The following ECHS1 variants were observed in gnomAD, a reference collection of about 807,000 sequenced individuals.
ECHS1 encodes the protein enoyl-CoA hydratase, short chain 1.
Under a neutral mutation model 33.5 loss-of-function variants are expected in ECHS1, and 19 were observed. That is an observed-to-expected ratio of 0.57 (90% CI 0.40 to 0.83). ECHS1 has a LOEUF of 0.83. ECHS1 is among the 40% of genes least tolerant of loss of function. The pLI is 0.00. For synonymous variants in ECHS1, 158 were observed against 146.6 expected (o/e 1.08, Z -0.56); for missense variants, 365 against 381.3 (o/e 0.96, Z 0.36).
rs990186571 is a variant in ECHS1, at chr10:133,362,631, A to G, written c.*237T>C. ...CGAGCACAGCATGCCCAGAGGGACC[A>G]GCGGGGGCTCCTCAGCAGAATCTTA... On this transcript the variant is annotated 3_prime_UTR_variant, in exon 8 of 8. Transcript: ENST00000368547. 1 of 565,366 alleles carries G rather than the reference A, an allele frequency of 1.8e-6. No individual in the cohort carries two copies. The highest frequency in any genetic ancestry group is 3.2e-6 in the Non-Finnish European group (1 of 315,296). 35.0% of individuals were successfully genotyped at this position (565,366 alleles called of 1,614,324 possible). A position where few individuals can be genotyped will look rare whatever the true frequency, so the allele number is the denominator to read the frequency against.
Position 133,370,610 on chromosome 10 carries a change from T to C in ECHS1, c.236A>G (p.Asp79Gly). 1 of 1,611,524 alleles carries C rather than the reference T, an allele frequency of 6.2e-7. No homozygotes were observed. Among genetic ancestry groups the C allele is most frequent in the Non-Finnish European group, 8.5e-7 (1 of 1,179,328 alleles). ...GAGGACAATGGCCCCCACGGCCGGGTCCTCCTCGAAGGTCTTCAGGGCCTG... is the reference window on the plus strand; with the variant it reads ...GAGGACAATGGCCCCCACGGCCGGGCCCTCCTCGAAGGTCTTCAGGGCCTG... Reference protein sequence around the residue: ...LNQALKTFEEDPAVGAIVLTG... With the variant: ...LNQALKTFEEGPAVGAIVLTG... The change falls in exon 2 of 8, where the codon GAC (aspartate) becomes GGC (glycine). Residue 79 changes from aspartate (D) to glycine (G), a missense_variant. Physicochemically the swap from Asp to Gly is moderately conservative, Grantham distance 94. Coordinates refer to ENST00000368547, the MANE Select transcript of ECHS1 (RefSeq NM_004092.4).
At chr10:133,370,450 T>A (rs1589882822) in intron 2 of ECHS1, 110 bp downstream of exon 2, 1 of 1,193,470 alleles carries the variant, frequency 8.4e-7, no homozygotes, top group East Asian at 2.7e-5. Flanking sequence ...AAGTCCCCAG[T>A]CGCATGCCTC....
At chr10:133,365,160 C>G (rs891946538) in intron 6 of ECHS1, among the ~76,000 whole-genome samples, 1 of 152,214 alleles carries the variant, frequency 6.6e-6, no homozygotes, top group Non-Finnish European at 1.5e-5. Context: ...GTTCTTTGCA[C>G]GAGGCCAAGC....
Position 133,370,686 on chromosome 10 carries a change from G to C in ECHS1, c.160C>G (p.Arg54Gly). The C allele has an allele frequency of 6.2e-7, 1 of 1,613,260 alleles. No individual in the cohort carries two copies. The change falls in exon 2 of 8, where the codon CGC becomes GGC. Residue 54 changes from arginine (R) to glycine (G), a missense_variant. Coordinates refer to ENST00000368547, the MANE Select transcript of ECHS1 (RefSeq NM_004092.4). ...CAAAGTGCATTGAGGGCCTTGGGGC[G>C]GTTCAGTTGGATCAACCCCACGGTG... ...NNTVGLIQLNRPKALNALCDG... is the reference protein window; with the variant it reads ...NNTVGLIQLNGPKALNALCDG...
chr10:133,371,380 C>A (rs762052482), intron 1 of ECHS1, among the ~76,000 whole-genome samples: 4 of 152,210 alleles, frequency 2.6e-5, no homozygotes, highest in African/African-American at 4.8e-5. Flanking sequence ...CAGGACACCA[C>A]TCTGGAGACA....
Position 133,373,269 on chromosome 10 carries a change from G to A in ECHS1, c.65C>T (p.Pro22Leu), listed in dbSNP as rs377287845. ...RGPLRPPVRCPAWRPFASGAN... is the reference protein window; with the variant it reads ...RGPLRPPVRCLAWRPFASGAN... ...ACCCGAGGCGAAGGGACGCCAGGCG[G>A]GACAGCGAACCGGGGGCCTCAGCGG... Residue 22 changes from proline (P) to leucine (L), a missense_variant, in exon 1 of 8, where the codon CCC becomes CTC. Pro to Leu is a moderately conservative substitution (Grantham distance 98, BLOSUM62 -3). Coordinates refer to ENST00000368547, the MANE Select transcript of ECHS1 (RefSeq NM_004092.4). 7 of 1,454,120 alleles carry A rather than the reference G, an allele frequency of 4.8e-6. No homozygotes were observed. In the East Asian group the frequency reaches 1.2e-4, roughly 24 times the overall value. 90.1% of individuals were successfully genotyped at this position (1,454,120 alleles called of 1,614,324 possible).
At chr10:133,373,124 G>T (rs1290370669) in intron 1 of ECHS1, 122 bp downstream of exon 1, 1 of 740,664 alleles carries the variant, frequency 1.4e-6, no homozygotes. Flanking sequence ...GAGGGGTGTG[G>T]GTTGGGGTCA....
At chr10:133,365,850 C>A (rs1382131515) in intron 6 of ECHS1, 126 bp downstream of exon 6, 4 of 1,183,962 alleles carry the variant, frequency 3.4e-6, no homozygotes, top group African/African-American at 1.5e-5. Flanking sequence ...AGAACTGAGA[C>A]ACTGAGAAGC....
chr10:133,367,564 C>G (rs1849049714), intron 4 of ECHS1, among the ~76,000 whole-genome samples: 1 of 151,568 alleles, frequency 6.6e-6, no homozygotes. Context: ...ACTTAGCAGA[C>G]CATGAAAGGG....
chr10:133,370,577 C>G lies in ECHS1; in HGVS notation c.269G>C (p.Gly90Ala). Reference protein sequence around the residue: ...PAVGAIVLTGGDKAFAAGADI... With the variant: ...PAVGAIVLTGADKAFAAGADI... Reference sequence around the variant, plus strand: ...GCGCGTACCTGCAAAGGCCTTATCCCCGCCGGTGAGGACAATGGCCCCCAC... The same window carrying G: ...GCGCGTACCTGCAAAGGCCTTATCCGCGCCGGTGAGGACAATGGCCCCCAC... Residue 90 changes from glycine (G) to alanine (A), a missense_variant, in exon 2 of 8, where the codon GGG becomes GCG. Gly to Ala is a moderately conservative substitution (Grantham distance 60). Coordinates refer to ENST00000368547, the MANE Select transcript of ECHS1 (RefSeq NM_004092.4). 1.9e-6 allele frequency: 3 copies of G among 1,597,102 alleles called. No homozygotes were observed. The highest frequency in any genetic ancestry group is 2.6e-6 in the Non-Finnish European group (3 of 1,172,608).
chr10:133,368,014 T>C (rs973799695), intron 4 of ECHS1, among the ~76,000 whole-genome samples: 2 of 152,084 alleles, frequency 1.3e-5, no homozygotes, highest in Admixed American at 1.3e-4. Context: ...CCACTACCGG[T>C]CTCCGCCTCT....
In ECHS1 at chr10:133,366,967, G is replaced by A. The variant is rs754609693; in HGVS notation, c.541C>T (p.Arg181Cys). The change falls in exon 5 of 8, where the codon CGT becomes TGT. Residue 181 changes from arginine (R) to cysteine (C), a missense_variant. Transcript: ENST00000368547. ...ATCGCCAGCGACTTCCCAACAGCAC[G>A]GGTGAGTCTCTGGGTGCCGCCCGCA... ...PGAGGTQRLT[R>C]AVGKSLAMEM... The A allele has an allele frequency of 6.8e-6, 11 of 1,612,354 alleles. No individual in the cohort carries two copies. Among genetic ancestry groups the A allele is most frequent in the South Asian group, 2.2e-5 (2 of 91,062 alleles).
rs1364990383 is a variant in ECHS1, at chr10:133,362,821, G to T, written c.*47C>A. 6.3e-7 allele frequency: 1 copy of T among 1,585,414 alleles called. No homozygotes were observed. The highest frequency in any genetic ancestry group is 1.1e-5 in the South Asian group (1 of 90,476). On this transcript the variant is annotated 3_prime_UTR_variant, in exon 8 of 8. Coordinates refer to ENST00000368547, the MANE Select transcript of ECHS1 (RefSeq NM_004092.4). ...TACTTGCTTCTAAAACTGACAGGCT[G>T]CACTTGTCCTCTCCAAGCAGAGGTG...
At chr10:133,370,815 T>G (rs1849098424) in intron 1 of ECHS1, 58 bp from the exon 2 acceptor site, 1 of 1,541,564 alleles carries the variant, frequency 6.5e-7, no homozygotes, top group African/African-American at 1.4e-5. Context: ...CTGGGGAGAG[T>G]GGGGGAAGGG....
chr10:133,373,164 G>A, intron 1 of ECHS1, 82 bp downstream of exon 1: 2 of 1,161,886 alleles, frequency 1.7e-6, no homozygotes, highest in Non-Finnish European at 2.3e-6. Flanking sequence ...GGTGGGAGGG[G>A]GGTGCGGTCT....
chr10:133,369,060 G>T, intron 3 of ECHS1, 38 bp from the exon 4 acceptor site: 1 of 1,590,314 alleles, frequency 6.3e-7, no homozygotes, highest in South Asian at 1.1e-5. Context: ...CTTACCAGGG[G>T]AACCCAGTCA....
In ECHS1 at chr10:133,370,041, G is replaced by A; in HGVS notation, c.287-10C>T. 1 of 1,613,602 alleles carries A rather than the reference G, an allele frequency of 6.2e-7. No homozygotes were observed. Among genetic ancestry groups the A allele is most frequent in the Non-Finnish European group, 8.5e-7 (1 of 1,179,888 alleles). ...TTGATATCAGCTCCAGCTAGCAGGA[G>A]TGGAAAGGAGGTTCCAGTTACCAGA... On this transcript the variant is annotated splice_polypyrimidine_tract_variant and intron_variant, in intron 2 of 7. Transcript: ENST00000368547.
In ECHS1 at chr10:133,369,886, C is replaced by T; in HGVS notation, c.414+18G>A. 1 of 1,612,538 alleles carries T rather than the reference C, an allele frequency of 6.2e-7. No individual in the cohort carries two copies. Among genetic ancestry groups the T allele is most frequent in the Non-Finnish European group, 8.5e-7 (1 of 1,179,546 alleles). Reference sequence around the variant, plus strand: ...CCTTCAACCACGAGAGGAGGAGACTCTTGGCAGCAACACTCACGGCATAGC... The same window carrying T: ...CCTTCAACCACGAGAGGAGGAGACTTTTGGCAGCAACACTCACGGCATAGC... On this transcript the variant is annotated intron_variant, in intron 3 of 7. Coordinates refer to ENST00000368547, the MANE Select transcript of ECHS1 (RefSeq NM_004092.4).
At chr10:133,367,099 A>AC in intron 4 of ECHS1, 106 bp from the exon 5 acceptor site, 1 of 892,416 alleles carries the variant, frequency 1.1e-6, no homozygotes, top group Non-Finnish European at 1.8e-6. Context: ...AGGCCCTGAG[A>AC]CTAGGTCCAG....
Sources: gnomAD v4.1 joint callset for allele counts (sites outside exome capture counted in the v4.1 genomes callset) on GRCh38, gnomAD v4.1.1 for gene constraint, MANE v1.5 for transcripts, NCBI Gene and HGNC (gene_info 2026-07-23, HGNC 2026-07-21) for gene names.